ARB2A: variants seen among roughly 807,000 people sequenced by gnomAD.
ARB2A encodes the protein ARB2 cotranscriptional regulator A.
the ARB2A span, among the ~76,000 whole-genome samples, chr5:93,890,949 T>C: frequency 1.3e-5 from 2 of 152,120 alleles, no homozygotes; most frequent in African/African-American, 4.8e-5. Flanking sequence ...CTGACAACGC[T>C]TACTGGAAGA....
At chr5:93,860,468 AAAAGT>A in the ARB2A span, among the ~76,000 whole-genome samples, 79 of 152,210 alleles carry the variant, frequency 5.2e-4, 1 homozygote, top group African/African-American at 1.8e-3. Flanking sequence ...AAAAAATGAT[AAAAGT>A]AAAGGCAAGC....
chr5:93,780,629 A>T, the ARB2A span, among the ~76,000 whole-genome samples: 1 of 149,858 alleles, frequency 6.7e-6, no homozygotes, highest in African/African-American at 2.5e-5. Flanking sequence ...GCATGATCTC[A>T]GCTCACTGCA....
chr5:94,068,466 CA>C, the ARB2A span, among the ~76,000 whole-genome samples: 1 of 152,178 alleles, frequency 6.6e-6, no homozygotes. Flanking sequence ...GAAGAGTATG[CA>C]GTTGCAAGAT....
At chr5:93,783,994 G>T in the ARB2A span, among the ~76,000 whole-genome samples, 1 of 152,116 alleles carries the variant, frequency 6.6e-6, no homozygotes, top group Non-Finnish European at 1.5e-5. Context: ...TTTTCAAGAA[G>T]AAAAGGAGAC....
chr5:93,973,760 T>C, the ARB2A span, among the ~76,000 whole-genome samples: 2 of 152,200 alleles, frequency 1.3e-5, no homozygotes, highest in Admixed American at 1.3e-4. Flanking sequence ...GACCCATTTT[T>C]AGCATTCTTT....
At chr5:94,022,090 T>C in the ARB2A span, among the ~76,000 whole-genome samples, 60 of 151,922 alleles carry the variant, frequency 3.9e-4, 1 homozygote, top group Admixed American at 3.0e-3. Context: ...ACAATAATTA[T>C]CTTCCAGAAT....
At chr5:94,002,184 C>T in the ARB2A span, among the ~76,000 whole-genome samples, 1 of 151,996 alleles carries the variant, frequency 6.6e-6, no homozygotes, top group South Asian at 2.1e-4. Flanking sequence ...ACAAGTTAGG[C>T]TTGGTTAACT....
chr5:93,720,905 C>G, the ARB2A span, among the ~76,000 whole-genome samples: 2 of 152,076 alleles, frequency 1.3e-5, no homozygotes, highest in East Asian at 3.9e-4. Context: ...TGATGCCTAA[C>G]TAAACTGGTA....
At chr5:94,023,860 T>C in the ARB2A span, among the ~76,000 whole-genome samples, 1 of 152,138 alleles carries the variant, frequency 6.6e-6, no homozygotes, top group Non-Finnish European at 1.5e-5. Context: ...ATGGACAAAA[T>C]AGAGCTTCTA....
the ARB2A span, among the ~76,000 whole-genome samples, chr5:93,932,272 T>C: frequency 6.6e-6 from 1 of 152,064 alleles, no homozygotes; most frequent in African/African-American, 2.4e-5. Context: ...CTAAAAAACA[T>C]TTTTTTCCCT....
chr5:93,867,550 TG>T, the ARB2A span, among the ~76,000 whole-genome samples: 1 of 152,146 alleles, frequency 6.6e-6, no homozygotes, highest in African/African-American at 2.4e-5. Flanking sequence ...CCCGAGTAGC[TG>T]GGACTACAGG....
chr5:93,766,580 C>T, the ARB2A span, among the ~76,000 whole-genome samples: 1 of 152,160 alleles, frequency 6.6e-6, no homozygotes, highest in Non-Finnish European at 1.5e-5. Context: ...AACACTTTTA[C>T]ACTGTTGGTG....
At chr5:93,964,398 T>C in the ARB2A span, 2 of 1,267,894 alleles carry the variant, frequency 1.6e-6, no homozygotes, top group Non-Finnish European at 2.2e-6. Context: ...AATTAAAAAC[T>C]ATTTTACTTG....
At chr5:93,690,886 T>C in the ARB2A span, among the ~76,000 whole-genome samples, 1 of 152,142 alleles carries the variant, frequency 6.6e-6, no homozygotes, top group Non-Finnish European at 1.5e-5. Flanking sequence ...CCGCTGGTGA[T>C]ACCCAGGCAA....
the ARB2A span, among the ~76,000 whole-genome samples, chr5:94,070,675 AATCAC>A: frequency 6.6e-6 from 1 of 152,116 alleles, no homozygotes; most frequent in African/African-American, 2.4e-5. Flanking sequence ...AATGTTTACT[AATCAC>A]ATATCTTAAA....
the ARB2A span, among the ~76,000 whole-genome samples, chr5:93,854,125 C>T: frequency 6.6e-6 from 1 of 152,212 alleles, no homozygotes; most frequent in South Asian, 2.1e-4. Context: ...ATTATTGCCA[C>T]AATTTCAGAG....
chr5:93,706,840 T>C, the ARB2A span, among the ~76,000 whole-genome samples: 2 of 147,024 alleles, frequency 1.4e-5, no homozygotes, highest in African/African-American at 5.1e-5. Flanking sequence ...CACCCTAGCC[T>C]GGCAACAGAA....
the ARB2A span, among the ~76,000 whole-genome samples, chr5:93,850,716 T>C: frequency 1.3e-5 from 2 of 152,176 alleles, no homozygotes; most frequent in Non-Finnish European, 2.9e-5. Flanking sequence ...TCATATCTAA[T>C]GGCTGTTATT....
At chr5:93,949,845 G>C in the ARB2A span, among the ~76,000 whole-genome samples, 1 of 151,850 alleles carries the variant, frequency 6.6e-6, no homozygotes, top group Non-Finnish European at 1.5e-5. Context: ...CTATCTCCCT[G>C]AGTTAAACTT....
Sources: gnomAD v4.1 joint callset for allele counts (sites outside exome capture counted in the v4.1 genomes callset) on GRCh38, gnomAD v4.1.1 for gene constraint, MANE v1.5 for transcripts, NCBI Gene and HGNC (gene_info 2026-07-23, HGNC 2026-07-21) for gene names.